The following PHACTR2 variants were observed in gnomAD, a reference collection of about 807,000 sequenced individuals.
The protein encoded by PHACTR2 is phosphatase and actin regulator 2, also known as chromosome 6 open reading frame 56.
A neutral mutation model predicts 76.0 loss-of-function variants in PHACTR2; 30 were observed. That is an observed-to-expected ratio of 0.39 (90% CI 0.30 to 0.54). PHACTR2 has a LOEUF of 0.54. Among genes scored for constraint, PHACTR2 ranks in the 20% least tolerant of loss-of-function variants. The pLI is 0.61. For synonymous variants in PHACTR2, 292 were observed against 292.5 expected (o/e 1.00, Z 0.02); for missense variants, 696 against 781.1 (o/e 0.89, Z 1.30).
Position 143,646,788 on chromosome 6 carries a change from A to G in PHACTR2, c.13+38466A>G, listed in dbSNP as rs144725881. On this transcript the variant is annotated intron_variant, in intron 1 of 11. Transcript: ENST00000305766. This position sits in a 1 kb window ranked among gnomAD's most constrained non-coding sequence, Gnocchi z 4.1. ...AAGAGCCTGAAAAAGTATGTAAGAA[A>G]AGCCTTGTTCTCTCTTGACATGAAG... is the stretch of plus-strand genomic sequence containing the variant. Among the ~76,000 whole-genome samples, 652 of 152,286 alleles carry G rather than the reference A, an allele frequency of 4.3e-3. 6 individuals carry two copies. Among genetic ancestry groups the G allele is most frequent in the African/African-American group, 0.015 (619 of 41,564 alleles).
At position 143,783,187 on chromosome 6, in the gene PHACTR2, T is replaced by C; in HGVS notation, c.1646-32T>C. 1 of 1,382,898 alleles carries C rather than the reference T, an allele frequency of 7.2e-7. No homozygotes were observed. The highest frequency in any genetic ancestry group is 1.0e-6 in the Non-Finnish European group (1 of 972,474). 85.7% of individuals were successfully genotyped at this position (1,382,898 alleles called of 1,614,324 possible). ...TGAATATGAAATCATCTATAGTAAC[T>C]GTCATCACGACTTTCCTCCTTTAAT... On this transcript the variant is annotated intron_variant, in intron 9 of 12. Coordinates refer to ENST00000440869, the MANE Select transcript of PHACTR2 (RefSeq NM_001100164.2). This position sits in a 1 kb window ranked among gnomAD's most constrained non-coding sequence, Gnocchi z 5.2.
rs532095370 is a variant in PHACTR2, at chr6:143,678,216, C to T, written c.46+7C>T. 2.3e-5 allele frequency: 35 copies of T among 1,503,142 alleles called. No homozygotes were observed. The South Asian group carries it at 4.3e-4, about 18-fold the overall frequency. The allele number at this position is 1,503,142 out of a possible 1,614,324, so 93.1% of individuals were successfully genotyped here. A position where few individuals can be genotyped will look rare whatever the true frequency, so the allele number is the denominator to read the frequency against. ...TCCCCGCAGCCCGGCAGCGGTGAGTCCGGGGCGCACGCGATGCGCTCCCGC... is the reference window on the plus strand; with the variant it reads ...TCCCCGCAGCCCGGCAGCGGTGAGTTCGGGGCGCACGCGATGCGCTCCCGC... On this transcript the variant is annotated splice_region_variant and intron_variant, in intron 1 of 12. Coordinates refer to ENST00000440869, the MANE Select transcript of PHACTR2 (RefSeq NM_001100164.2). The surrounding 1 kb of genome is among the most constrained non-coding windows in gnomAD (Gnocchi z 6.2).
chr6:143,588,564 G>C (rs1307528545), intron 1 of PHACTR2, among the ~76,000 whole-genome samples: 1 of 152,094 alleles, frequency 6.6e-6, no homozygotes, highest in Non-Finnish European at 1.5e-5. Flanking sequence ...TCAGAGTAAG[G>C]CTTTCTCAGA....
chr6:143,586,257 C>T (rs1174112982), intron 1 of PHACTR2, among the ~76,000 whole-genome samples: 1 of 151,742 alleles, frequency 6.6e-6, no homozygotes, highest in Non-Finnish European at 1.5e-5. Flanking sequence ...TCCTGCTGTA[C>T]AGCATTTGAC....
chr6:143,637,672 G>A (rs1429035950), intron 1 of PHACTR2, among the ~76,000 whole-genome samples: 1 of 152,226 alleles, frequency 6.6e-6, no homozygotes, highest in African/African-American at 2.4e-5. Flanking sequence ...GGGGAAAAGG[G>A]ACTGGTCCCA....
intron 1 of PHACTR2, among the ~76,000 whole-genome samples, chr6:143,690,305 C>T (rs1777615623): frequency 6.6e-6 from 1 of 152,198 alleles, no homozygotes; most frequent in Non-Finnish European, 1.5e-5. Flanking sequence ...TTTCTCTGAG[C>T]CCACTGTCCA....
rs933407666 is a variant in PHACTR2, at chr6:143,757,262, A to G, written c.455-3139A>G. Among the ~76,000 whole-genome samples, 5 of 152,222 alleles carry G rather than the reference A, an allele frequency of 3.3e-5. No homozygotes were observed. Among genetic ancestry groups the G allele is most frequent in the Non-Finnish European group, 7.3e-5 (5 of 68,044 alleles). On this transcript the variant is annotated intron_variant, in intron 4 of 12. Coordinates refer to ENST00000440869, the MANE Select transcript of PHACTR2 (RefSeq NM_001100164.2). The surrounding 1 kb of genome is among the most constrained non-coding windows in gnomAD (Gnocchi z 4.2). The stretch of plus-strand genomic sequence containing the variant: ...AATGAAAAATGGCCTTTGCCTTAAG[A>G]GCATGACCTGTGAGGAGACCAGAAT...
At position 143,648,818 on chromosome 6, in the gene PHACTR2, A is replaced by G. The variant is rs1035776986; in HGVS notation, c.13+40496A>G. Among the ~76,000 whole-genome samples, 1 of 150,378 alleles carries G rather than the reference A, an allele frequency of 6.6e-6. No individual in the cohort carries two copies. Among genetic ancestry groups the G allele is most frequent in the Non-Finnish European group, 1.5e-5 (1 of 67,564 alleles). ...TGTGTCTGTGTATGTCTATGTGTATATCTGTGTGTATACAAGTGTGTGTCT... is the reference window on the plus strand; with the variant it reads ...TGTGTCTGTGTATGTCTATGTGTATGTCTGTGTGTATACAAGTGTGTGTCT... On this transcript the variant is annotated intron_variant, in intron 1 of 11. Coordinates refer to the PHACTR2 transcript ENST00000305766. The surrounding 1 kb of genome is among the most constrained non-coding windows in gnomAD (Gnocchi z 6.7).
intron 1 of PHACTR2, among the ~76,000 whole-genome samples, chr6:143,559,543 GAA>G (rs1462599793): frequency 2.0e-5 from 3 of 152,018 alleles, no homozygotes; most frequent in Non-Finnish European, 4.4e-5. Context: ...ATGAAGGAAG[GAA>G]CTGAATATAA....
Position 143,760,353 on chromosome 6 carries a change from T to C in PHACTR2, c.455-48T>C. 6.5e-7 allele frequency: 1 copy of C among 1,543,266 alleles called. No individual in the cohort carries two copies. Among genetic ancestry groups the C allele is most frequent in the South Asian group, 1.2e-5 (1 of 84,390 alleles). On this transcript the variant is annotated intron_variant, in intron 4 of 12. Coordinates refer to ENST00000440869, the MANE Select transcript of PHACTR2 (RefSeq NM_001100164.2). The surrounding 1 kb of genome is among the most constrained non-coding windows in gnomAD (Gnocchi z 6.4). Reference sequence around the variant, plus strand: ...TCATGTCTTGCTCCTTGTGTTTATATGGTGTGTGTCTGTATCAGTCTGCTT... The same window carrying C: ...TCATGTCTTGCTCCTTGTGTTTATACGGTGTGTGTCTGTATCAGTCTGCTT...
At chr6:143,681,561 G>A (rs1212742793) in intron 1 of PHACTR2, among the ~76,000 whole-genome samples, 2 of 151,792 alleles carry the variant, frequency 1.3e-5, no homozygotes, top group African/African-American at 4.8e-5. Context: ...TTGGTAGAGT[G>A]ATTTGCAGCT....
chr6:143,735,295 A>T (rs1176635444), intron 2 of PHACTR2, among the ~76,000 whole-genome samples: 3 of 152,242 alleles, frequency 2.0e-5, no homozygotes, highest in Non-Finnish European at 4.4e-5. Flanking sequence ...ATAATAAAAA[A>T]ACATGATTGG....
intron 2 of PHACTR2, among the ~76,000 whole-genome samples, chr6:143,740,505 AAT>A (rs765450698): frequency 0.59 from 74,377 of 127,048 alleles, 20,471 homozygotes; most frequent in African/African-American, 0.68. Context: ...ACATCCTTTT[AAT>A]TAAAAAAAAA....
intron 9 of PHACTR2, among the ~76,000 whole-genome samples, chr6:143,781,468 A>G (rs547371353): frequency 6.6e-6 from 1 of 152,384 alleles, no homozygotes; most frequent in South Asian, 2.1e-4. Flanking sequence ...AAAATATAGC[A>G]TAAATACTGT....
intron 9 of PHACTR2, among the ~76,000 whole-genome samples, chr6:143,781,718 C>T (rs1775438099): frequency 6.6e-6 from 1 of 152,126 alleles, no homozygotes; most frequent in Non-Finnish European, 1.5e-5. Context: ...TTCTTTGAAC[C>T]TAAGTATGCA....
In PHACTR2 at chr6:143,772,057, C is replaced by T. The variant is rs973448145; in HGVS notation, c.1233-201C>T. Among the ~76,000 whole-genome samples the T allele has an allele frequency of 1.3e-5, 2 of 152,116 alleles. No individual in the cohort carries two copies. The highest frequency in any genetic ancestry group is 4.8e-5 in the African/African-American group (2 of 41,432). ...TTTGCTAAATGTATCAGATACCAAG[C>T]GTTTGCATTTTACAGATGAAAAATG... On this transcript the variant is annotated intron_variant, in intron 6 of 12. Transcript: ENST00000440869. The surrounding 1 kb of genome is among the most constrained non-coding windows in gnomAD (Gnocchi z 5.4).
rs543934208 is a variant in PHACTR2 at position 143,581,426 on chromosome 6, C to A, written c.217+44219C>A. On this transcript the variant is annotated intron_variant, in intron 1 of 11. Transcript: ENST00000367584. The surrounding 1 kb of genome is among the most constrained non-coding windows in gnomAD (Gnocchi z 4.5). ...GAGCACAAGGAACCCACCAGTCAGG[C>A]ATGATCTCGGAGAGGGCGCTTGTTT... 1.2e-4 allele frequency among the ~76,000 whole-genome samples: 18 copies of A among 152,176 alleles called. No individual in the cohort carries two copies. The highest frequency in any genetic ancestry group is 2.4e-4 in the Non-Finnish European group (16 of 68,014).
rs951304509 is a variant in PHACTR2 at position 143,822,858 on chromosome 6, G to C, written c.1923-816G>C. Among the ~76,000 whole-genome samples, 38 of 152,176 alleles carry C rather than the reference G, an allele frequency of 2.5e-4. No individual in the cohort carries two copies. Among genetic ancestry groups the C allele is most frequent in the Admixed American group, 2.3e-3 (35 of 15,278 alleles). ...TGAACAGCATGTTCAAAAGCACCGG[G>C]CTACAAAAATGCAAGGAATGTTCAG... is the stretch of plus-strand genomic sequence containing the variant. On this transcript the variant is annotated intron_variant, in intron 12 of 12. Transcript: ENST00000440869. This position sits in a 1 kb window ranked among gnomAD's most constrained non-coding sequence, Gnocchi z 5.5.
chr6:143,650,203 T>C (rs1010267274), intron 1 of PHACTR2, among the ~76,000 whole-genome samples: 9 of 152,112 alleles, frequency 5.9e-5, no homozygotes, highest in African/African-American at 2.2e-4. Context: ...CACCAAAAAA[T>C]GGAAGAACAT....
Sources: allele counts gnomAD v4.1 joint callset (sites outside exome capture counted in the v4.1 genomes callset), GRCh38; gene constraint gnomAD v4.1.1; non-coding constraint Gnocchi (gnomAD v3.1); transcripts MANE v1.5; gene names NCBI Gene and HGNC (gene_info 2026-07-23, HGNC 2026-07-21).